ZPBP: variants seen among roughly 807,000 people sequenced by gnomAD.
ZPBP encodes the protein zona pellucida-binding protein 1.
A neutral mutation model predicts 44.8 loss-of-function variants in ZPBP; 26 were observed. That is an observed-to-expected ratio of 0.58 (90% CI 0.43 to 0.81). The LOEUF (loss-of-function observed/expected upper bound fraction) is 0.81, where lower values mean the gene tolerates loss of function less well. ZPBP is among the 30% of genes least tolerant of loss of function. The probability of loss-of-function intolerance (pLI) is 0.00; values close to 1 mark genes in which losing one functional copy is unlikely to be tolerated. For synonymous variants in ZPBP, 174 were observed against 153.2 expected (o/e 1.14, Z -1.00); for missense variants, 409 against 434.0 (o/e 0.94, Z 0.51).
chr7:49,905,643 T>C (rs1793044323), intron 1 of ZPBP, among the ~76,000 whole-genome samples: 1 of 152,162 alleles, frequency 6.6e-6, no homozygotes, highest in East Asian at 1.9e-4. Flanking sequence ...CTAATGGAGA[T>C]GTCAGAGGTG....
At chr7:50,086,875 A>G (rs1039754848) in intron 2 of ZPBP, among the ~76,000 whole-genome samples, 3 of 152,094 alleles carry the variant, frequency 2.0e-5, no homozygotes, top group Admixed American at 2.0e-4. Context: ...AAGGAAATCC[A>G]TAGCCAGACA....
chr7:49,873,521 CATTG>C (rs1791264161), intron 2 of ZPBP, among the ~76,000 whole-genome samples: 1 of 152,158 alleles, frequency 6.6e-6, no homozygotes, highest in Admixed American at 6.5e-5. Context: ...ACATTCAGAC[CATTG>C]CACAGCGGTT....
At chr7:49,896,318 G>A (rs1490326654) in intron 2 of ZPBP, among the ~76,000 whole-genome samples, 1 of 152,168 alleles carries the variant, frequency 6.6e-6, no homozygotes, top group Non-Finnish European at 1.5e-5. Flanking sequence ...TCTACCCTGA[G>A]TGAAAGAGCA....
At position 50,089,731 on chromosome 7, in the gene ZPBP, A is replaced by G. The variant is rs775312057; in HGVS notation, c.128-22T>C. 7.0e-6 allele frequency: 11 copies of G among 1,570,364 alleles called. No homozygotes were observed. The South Asian group carries it at 1.0e-4, about 14-fold the overall frequency. ...CCAACTATCAAAAAAAAAGATCAAC[A>G]ATTTGTCTCATTAGATATTCTAAAA... On this transcript the variant is annotated intron_variant, in intron 1 of 7. Coordinates refer to ENST00000046087, the MANE Select transcript of ZPBP (RefSeq NM_007009.3).
At chr7:49,930,138 T>C (rs1214090514) in intron 1 of ZPBP, among the ~76,000 whole-genome samples, 1 of 152,092 alleles carries the variant, frequency 6.6e-6, no homozygotes, top group Non-Finnish European at 1.5e-5. Context: ...CCTGCAACCA[T>C]GAGGACAAAA....
At chr7:50,023,456 AT>A (rs1054737973) in intron 5 of ZPBP, among the ~76,000 whole-genome samples, 7 of 152,052 alleles carry the variant, frequency 4.6e-5, no homozygotes, top group Non-Finnish European at 8.8e-5. Context: ...ATAAAAAAAA[AT>A]GTAGCCTCTA....
chr7:49,848,415 C>T (rs1790044408), downstream of ZPBP, among the ~76,000 whole-genome samples: 2 of 152,212 alleles, frequency 1.3e-5, no homozygotes, highest in Non-Finnish European at 2.9e-5. Context: ...GGCATGGCCC[C>T]GGACCAGCTG....
At chr7:50,043,317 C>T (rs1313889127) in intron 4 of ZPBP, among the ~76,000 whole-genome samples, 1 of 152,226 alleles carries the variant, frequency 6.6e-6, no homozygotes, top group Admixed American at 6.5e-5. Context: ...TGATTTCCCA[C>T]TCCACACTCT....
At chr7:49,926,397 C>T (rs1210519264) in intron 1 of ZPBP, among the ~76,000 whole-genome samples, 1 of 152,228 alleles carries the variant, frequency 6.6e-6, no homozygotes, top group Non-Finnish European at 1.5e-5. Context: ...ATCACTTTTT[C>T]TAGCAGTAAG....
chr7:50,061,000 G>T (rs1801209074), intron 3 of ZPBP, among the ~76,000 whole-genome samples: 1 of 152,154 alleles, frequency 6.6e-6, no homozygotes, highest in Non-Finnish European at 1.5e-5. Flanking sequence ...TGCAAGGTTG[G>T]TTCAACATAC....
intron 2 of ZPBP, among the ~76,000 whole-genome samples, chr7:49,861,136 C>T (rs1790636023): frequency 6.6e-6 from 1 of 152,214 alleles, no homozygotes; most frequent in Non-Finnish European, 1.5e-5. Context: ...ACAAGCATTA[C>T]AATTTCTCCA....
intron 3 of ZPBP, among the ~76,000 whole-genome samples, chr7:50,064,188 C>T (rs984751963): frequency 6.6e-6 from 1 of 152,132 alleles, no homozygotes; most frequent in Non-Finnish European, 1.5e-5. Context: ...CCACAAGCCA[C>T]AAAAACCAGC....
intron 7 of ZPBP, among the ~76,000 whole-genome samples, chr7:49,971,411 A>G (rs1472579905): frequency 2.6e-5 from 4 of 152,166 alleles, no homozygotes; most frequent in African/African-American, 4.8e-5. Context: ...TAAAAATCAT[A>G]ATTTAAAAGT....
rs2128752530 is a variant in ZPBP at position 49,939,228 on chromosome 7, T to C, written c.962-1606A>G. On this transcript the variant is annotated intron_variant, in intron 7 of 7. Coordinates refer to ENST00000046087, the MANE Select transcript of ZPBP (RefSeq NM_007009.3). ...ACTAAAAGTGTTAAATCATTACACATGCAGAAGAGAAATCTGCATGCAGTC... is the reference window on the plus strand; with the variant it reads ...ACTAAAAGTGTTAAATCATTACACACGCAGAAGAGAAATCTGCATGCAGTC... Among the ~76,000 whole-genome samples the C allele has an allele frequency of 1.3e-5, 2 of 152,300 alleles. 1 individual carries two copies. Among genetic ancestry groups the C allele is most frequent in the South Asian group, 4.1e-4 (2 of 4,828 alleles).
chr7:49,877,591 T>C (rs1791492872), intron 2 of ZPBP, among the ~76,000 whole-genome samples: 1 of 142,014 alleles, frequency 7.0e-6, no homozygotes, highest in Non-Finnish European at 1.5e-5. Flanking sequence ...ATGACTGAAG[T>C]CCAGACTCAT....
At chr7:49,867,486 A>C (rs541453303) in intron 2 of ZPBP, among the ~76,000 whole-genome samples, 23 of 152,318 alleles carry the variant, frequency 1.5e-4, no homozygotes, top group African/African-American at 5.5e-4. Context: ...GAAAGGGTGC[A>C]CCATACCAAA....
intron 4 of ZPBP, among the ~76,000 whole-genome samples, chr7:50,042,679 G>T (rs905664263): frequency 6.6e-6 from 1 of 152,058 alleles, no homozygotes; most frequent in Non-Finnish European, 1.5e-5. Flanking sequence ...CACTAAATAT[G>T]GAAAGGAAAA....
At chr7:50,062,332 C>T (rs1418614908) in intron 3 of ZPBP, among the ~76,000 whole-genome samples, 1 of 152,096 alleles carries the variant, frequency 6.6e-6, no homozygotes, top group Non-Finnish European at 1.5e-5. Context: ...TACTGTAAAA[C>T]TCATATGGAA....
chr7:50,036,471 T>C (rs1799831597), intron 4 of ZPBP, among the ~76,000 whole-genome samples: 2 of 152,074 alleles, frequency 1.3e-5, no homozygotes, highest in African/African-American at 4.8e-5. Flanking sequence ...TTAATTAGCA[T>C]TCCAGAAATA....
Sources: allele counts gnomAD v4.1 joint callset (sites outside exome capture counted in the v4.1 genomes callset), GRCh38; gene constraint gnomAD v4.1.1; transcripts MANE v1.5; gene names NCBI Gene and HGNC (gene_info 2026-07-23, HGNC 2026-07-21).